The following GULP1 variants were observed in gnomAD, a reference collection of about 807,000 sequenced individuals.
The protein encoded by GULP1 is PTB domain-containing engulfment adapter protein 1.
A neutral mutation model predicts 40.9 loss-of-function variants in GULP1; 19 were observed. The ratio of observed to expected loss-of-function variants is 0.46; its 90% CI spans 0.32 to 0.68. GULP1 has a LOEUF of 0.68. Among genes scored for constraint, GULP1 ranks in the 30% least tolerant of loss-of-function variants. The probability of loss-of-function intolerance (pLI) is 0.03; values close to 1 mark genes in which losing one functional copy is unlikely to be tolerated. For synonymous variants in GULP1, 119 were observed against 117.6 expected (o/e 1.01, Z -0.08); for missense variants, 312 against 362.2 (o/e 0.86, Z 1.12).
At chr2:188,478,722 C>T (rs1021029987) in intron 3 of GULP1, among the ~76,000 whole-genome samples, 11 of 152,044 alleles carry the variant, frequency 7.2e-5, no homozygotes, top group Non-Finnish European at 1.3e-4. Flanking sequence ...ATCTTGAATG[C>T]TGTCAGAGTA....
chr2:188,451,563 G>A (rs1352926087), intron 2 of GULP1, among the ~76,000 whole-genome samples: 1 of 152,072 alleles, frequency 6.6e-6, no homozygotes, highest in Non-Finnish European at 1.5e-5. Context: ...CACTCAAAAT[G>A]TGTTTACATT....
At chr2:188,546,508 C>T (rs370940731) in intron 7 of GULP1, among the ~76,000 whole-genome samples, 112 of 151,822 alleles carry the variant, frequency 7.4e-4, no homozygotes, top group African/African-American at 2.5e-3. Context: ...TTTAATTTTG[C>T]GAATTGAATA....
rs1173641685 is a variant in GULP1 at position 188,474,272 on chromosome 2, C to A, written c.-44-3387C>A. Among the ~76,000 whole-genome samples, 4 of 152,146 alleles carry A rather than the reference C, an allele frequency of 2.6e-5. No individual in the cohort carries two copies. In the East Asian group the frequency reaches 7.7e-4, roughly 29 times the overall value. ...TCAGTAGGTCACGTGCCCCAGCATT[C>A]TACTAGCTCTGGACCCAGTTCATCA... is the stretch of plus-strand genomic sequence containing the variant. On this transcript the variant is annotated intron_variant, in intron 2 of 11. Coordinates refer to ENST00000409830, the MANE Select transcript of GULP1 (RefSeq NM_016315.4).
intron 6 of GULP1, among the ~76,000 whole-genome samples, chr2:188,540,742 T>C (rs1559358877): frequency 6.6e-6 from 1 of 152,156 alleles, no homozygotes; most frequent in East Asian, 1.9e-4. Context: ...TGTTCTAAAC[T>C]ATAATGCTAG....
chr2:188,491,259 A>G (rs922850364), intron 4 of GULP1, among the ~76,000 whole-genome samples: 2 of 150,956 alleles, frequency 1.3e-5, no homozygotes, highest in Admixed American at 6.6e-5. Flanking sequence ...GTTTTGGAGG[A>G]AAAAAAAACA....
At chr2:188,520,223 G>T (rs141002126) in intron 4 of GULP1, among the ~76,000 whole-genome samples, 2 of 152,020 alleles carry the variant, frequency 1.3e-5, no homozygotes, top group African/African-American at 2.4e-5. Flanking sequence ...TAACAATTTG[G>T]TATATTTCAA....
intron 6 of GULP1, among the ~76,000 whole-genome samples, chr2:188,534,323 T>C (rs1688355993): frequency 6.6e-6 from 1 of 150,756 alleles, no homozygotes; most frequent in African/African-American, 2.5e-5. Flanking sequence ...AAGAATGAAA[T>C]TGTGTCCTTT....
At chr2:188,563,948 C>T (rs1221655370) in intron 7 of GULP1, among the ~76,000 whole-genome samples, 1 of 151,818 alleles carries the variant, frequency 6.6e-6, no homozygotes, top group Non-Finnish European at 1.5e-5. Context: ...TGAGGTTTAT[C>T]CCAGGAATTC....
intron 7 of GULP1, among the ~76,000 whole-genome samples, chr2:188,550,746 C>T (rs1376307172): frequency 6.6e-6 from 1 of 151,408 alleles, no homozygotes; most frequent in Non-Finnish European, 1.5e-5. Flanking sequence ...CCATATTTCA[C>T]GTTTGCTTTG....
intron 2 of GULP1, among the ~76,000 whole-genome samples, chr2:188,418,437 G>T (rs1321026714): frequency 1.3e-5 from 2 of 152,110 alleles, no homozygotes; most frequent in Admixed American, 6.6e-5. Flanking sequence ...TTCGAGACCA[G>T]CCTGGGCAAC....
intron 9 of GULP1, 45 bp from the exon 10 acceptor site, chr2:188,584,220 G>A: frequency 1.6e-6 from 2 of 1,217,846 alleles, no homozygotes; most frequent in East Asian, 2.4e-5. Context: ...GCATTACAAT[G>A]TGTCTATATG....
chr2:188,552,268 T>G (rs913779973), intron 7 of GULP1, among the ~76,000 whole-genome samples: 6 of 151,768 alleles, frequency 4.0e-5, no homozygotes, highest in African/African-American at 1.4e-4. Context: ...GTAGTTTTCC[T>G]TAGATTTTCT....
intron 2 of GULP1, among the ~76,000 whole-genome samples, chr2:188,396,911 T>C (rs575217903): frequency 6.6e-6 from 1 of 152,268 alleles, no homozygotes; most frequent in South Asian, 2.1e-4. Flanking sequence ...ACTTTTATAT[T>C]GCCCACGGCT....
intron 1 of GULP1, among the ~76,000 whole-genome samples, chr2:188,318,023 A>G (rs1438364027): frequency 6.6e-6 from 1 of 152,070 alleles, no homozygotes; most frequent in African/African-American, 2.4e-5. Flanking sequence ...GCCCTAATTG[A>G]TGAGTGAAAA....
intron 2 of GULP1, among the ~76,000 whole-genome samples, chr2:188,397,039 G>A (rs1374664527): frequency 2.0e-5 from 3 of 152,152 alleles, no homozygotes; most frequent in African/African-American, 4.8e-5. Flanking sequence ...ACATTCGTAG[G>A]ACTTGGTTTT....
intron 5 of GULP1, among the ~76,000 whole-genome samples, chr2:188,525,336 A>C (rs1479441238): frequency 6.6e-6 from 1 of 152,094 alleles, no homozygotes; most frequent in Non-Finnish European, 1.5e-5. Flanking sequence ...GGTTGCAGTG[A>C]GCCGCGATCG....
At chr2:188,431,024 C>A (rs1219118351) in intron 2 of GULP1, among the ~76,000 whole-genome samples, 1 of 152,104 alleles carries the variant, frequency 6.6e-6, no homozygotes, top group Non-Finnish European at 1.5e-5. Flanking sequence ...ATAAAATTGA[C>A]AATTTACCCT....
chr2:188,369,963 G>T (rs932629374), intron 1 of GULP1, among the ~76,000 whole-genome samples: 1 of 152,022 alleles, frequency 6.6e-6, no homozygotes, highest in Non-Finnish European at 1.5e-5. Flanking sequence ...CCTTCTTAGC[G>T]TCTCAAGTAG....
At chr2:188,317,659 A>T (rs1173704522) in intron 1 of GULP1, among the ~76,000 whole-genome samples, 1 of 152,106 alleles carries the variant, frequency 6.6e-6, no homozygotes, top group Middle Eastern at 3.2e-3. Flanking sequence ...TGCCATGTTA[A>T]TGGATAGCTT....
Sources: allele counts gnomAD v4.1 joint callset (sites outside exome capture counted in the v4.1 genomes callset), GRCh38; gene constraint gnomAD v4.1.1; transcripts MANE v1.5; gene names NCBI Gene and HGNC (gene_info 2026-07-23, HGNC 2026-07-21).